DLG2: variants seen among roughly 807,000 people sequenced by gnomAD.
DLG2 encodes disks large homolog 2.
In DLG2, 45 loss-of-function variants were observed where a neutral mutation model predicts 132.5. That is an observed-to-expected ratio of 0.34 (90% CI 0.27 to 0.44). The LOEUF (loss-of-function observed/expected upper bound fraction) is 0.44. Ranked by LOEUF, DLG2 falls within the 20% of genes least tolerant of loss-of-function variation. The pLI, the probability that DLG2 is intolerant of heterozygous loss-of-function variation, is 1.00. For missense variants in DLG2, 1,045 were observed against 1,196.9 expected (o/e 0.87, Z 1.87); for synonymous variants, 424 against 419.6 (o/e 1.01, Z -0.13).
intron 7 of DLG2, among the ~76,000 whole-genome samples, chr11:84,484,800 A>G (rs1343457448): frequency 1.3e-5 from 2 of 152,152 alleles, no homozygotes; most frequent in Non-Finnish European, 2.9e-5. Flanking sequence ...GCTCTTTCTG[A>G]CCACATCTAA....
chr11:83,995,839 A>T (rs974808847), intron 11 of DLG2, among the ~76,000 whole-genome samples: 1 of 152,220 alleles, frequency 6.6e-6, no homozygotes, highest in African/African-American at 2.4e-5. Context: ...GGCATTAAAG[A>T]CTTAAATCTA....
chr11:85,093,889 C>A (rs1334889278), intron 6 of DLG2, among the ~76,000 whole-genome samples: 2 of 152,146 alleles, frequency 1.3e-5, no homozygotes, highest in Non-Finnish European at 2.9e-5. Context: ...TAATTCCACC[C>A]CTTATCAACT....
intron 3 of DLG2, among the ~76,000 whole-genome samples, chr11:85,564,438 C>A (rs2077420735): frequency 6.6e-6 from 1 of 151,726 alleles, no homozygotes; most frequent in Non-Finnish European, 1.5e-5. Context: ...CATGATATGC[C>A]CAAAGTTCAC....
chr11:83,729,396 A>T (rs938835108), intron 18 of DLG2, among the ~76,000 whole-genome samples: 1 of 152,212 alleles, frequency 6.6e-6, no homozygotes, highest in Non-Finnish European at 1.5e-5. Flanking sequence ...TATTTCAAGC[A>T]TACAATCTCC....
At chr11:85,324,761 G>C (rs926247401) in intron 3 of DLG2, among the ~76,000 whole-genome samples, 1 of 152,054 alleles carries the variant, frequency 6.6e-6, no homozygotes, top group Non-Finnish European at 1.5e-5. Flanking sequence ...AAGTTGGGGA[G>C]GGAGGAGCCA....
chr11:83,760,634 G>A (rs1055517072), intron 18 of DLG2, among the ~76,000 whole-genome samples: 1 of 152,044 alleles, frequency 6.6e-6, no homozygotes, highest in Non-Finnish European at 1.5e-5. Flanking sequence ...GGGATTACAG[G>A]TGTGAGCCAC....
intron 3 of DLG2, among the ~76,000 whole-genome samples, chr11:85,592,949 A>G (rs1007262745): frequency 1.3e-5 from 2 of 151,842 alleles, no homozygotes; most frequent in African/African-American, 4.8e-5. Context: ...AAGACTGAGA[A>G]AAAAGAAAGA....
chr11:84,108,834 A>G (rs1216085196), intron 9 of DLG2, among the ~76,000 whole-genome samples: 1 of 152,186 alleles, frequency 6.6e-6, no homozygotes, highest in Non-Finnish European at 1.5e-5. Context: ...TGGCATCTGA[A>G]CTAGGCTGAT....
At chr11:83,518,528 C>T (rs146205741) in intron 21 of DLG2, among the ~76,000 whole-genome samples, 1,811 of 152,244 alleles carry the variant, frequency 0.012, 32 homozygotes, top group African/African-American at 0.04. Context: ...GGCTCATGCT[C>T]GGTGCACTGC....
intron 18 of DLG2, among the ~76,000 whole-genome samples, chr11:83,756,252 T>C (rs760798176): frequency 7.3e-5 from 11 of 151,302 alleles, no homozygotes; most frequent in Non-Finnish European, 1.0e-4. Flanking sequence ...TAGAACCACC[T>C]GGGCCACAGG....
chr11:85,475,823 C>T (rs1254997732), intron 3 of DLG2, among the ~76,000 whole-genome samples: 1 of 152,042 alleles, frequency 6.6e-6, no homozygotes, highest in African/African-American at 2.4e-5. Context: ...AGTGGCAAGT[C>T]CAGGATTTGA....
rs945648668 is a variant in DLG2, at chr11:85,467,934, T to G, written c.40+130723A>C. ...GGTAGAATCCAGCTGTGAATCCATC[T>G]GGTCCTGGACTTTTTTTGGTTGGTA... is the stretch of plus-strand genomic sequence containing the variant. On this transcript the variant is annotated intron_variant, in intron 3 of 27. Transcript: ENST00000376104. Among the ~76,000 whole-genome samples the G allele has an allele frequency of 7.2e-5, 11 of 152,224 alleles. No homozygotes were observed. In the South Asian group the frequency reaches 2.3e-3, roughly 32 times the overall value.
At chr11:84,470,831 T>A (rs2099106554) in intron 7 of DLG2, among the ~76,000 whole-genome samples, 1 of 151,822 alleles carries the variant, frequency 6.6e-6, no homozygotes, top group Non-Finnish European at 1.5e-5. Context: ...TGATTTTGTA[T>A]TTTATTCTGT....
intron 16 of DLG2, among the ~76,000 whole-genome samples, chr11:83,850,330 T>A (rs1224460832): frequency 6.6e-6 from 1 of 152,114 alleles, no homozygotes; most frequent in Non-Finnish European, 1.5e-5. Context: ...ATTTTTTGTA[T>A]TTTTAGTAGA....
In DLG2 at chr11:85,598,094, T is replaced by C. The variant is rs1419012701; in HGVS notation, c.40+563A>G. On this transcript the variant is annotated intron_variant, in intron 3 of 27. Transcript: ENST00000376104. Reference sequence around the variant, plus strand: ...AGAATAAACATAAGTTTAAACATTATATGGTTAGCTTCATGACAAATTGCT... The same window carrying C: ...AGAATAAACATAAGTTTAAACATTACATGGTTAGCTTCATGACAAATTGCT... Among the ~76,000 whole-genome samples, 3 of 152,010 alleles carry C rather than the reference T, an allele frequency of 2.0e-5. No individual in the cohort carries two copies. In the South Asian group the frequency reaches 6.2e-4, roughly 31 times the overall value.
At chr11:83,484,828 GGT>G (rs1305619841) in intron 21 of DLG2, among the ~76,000 whole-genome samples, 36 of 152,116 alleles carry the variant, frequency 2.4e-4, no homozygotes, top group African/African-American at 8.7e-4. Flanking sequence ...GTAGATTTAT[GGT>G]ATAATTACAG....
At chr11:83,491,156 T>TTTTG (rs1188553998) in intron 21 of DLG2, among the ~76,000 whole-genome samples, 8 of 151,302 alleles carry the variant, frequency 5.3e-5, no homozygotes, top group African/African-American at 1.9e-4. Context: ...GTTTTTTTTT[T>TTTTG]TTTGTTACTA....
At chr11:84,805,142 C>T (rs1283402943) in intron 6 of DLG2, among the ~76,000 whole-genome samples, 1 of 152,046 alleles carries the variant, frequency 6.6e-6, no homozygotes, top group Non-Finnish European at 1.5e-5. Context: ...GTATTACTAC[C>T]CCTTCCAGCC....
At chr11:84,998,031 AT>A (rs2057829700) in intron 6 of DLG2, among the ~76,000 whole-genome samples, 1 of 152,176 alleles carries the variant, frequency 6.6e-6, no homozygotes, top group African/African-American at 2.4e-5. Context: ...TTATTTTAAA[AT>A]TGTTTTTAGA....
Sources: gnomAD v4.1 joint callset for allele counts (sites outside exome capture counted in the v4.1 genomes callset) on GRCh38, gnomAD v4.1.1 for gene constraint, MANE v1.5 for transcripts, NCBI Gene and HGNC (gene_info 2026-07-23, HGNC 2026-07-21) for gene names.